TMIGD3: variants seen among roughly 807,000 people sequenced by gnomAD.
The protein encoded by TMIGD3 is AD026 protein (AD026).
In TMIGD3, 21 loss-of-function variants were observed where a neutral mutation model predicts 28.1. That is an observed-to-expected ratio of 0.75 (90% CI 0.53 to 1.08). The LOEUF is 1.08. Ranked by LOEUF, TMIGD3 falls within the 50% of genes least tolerant of loss-of-function variation. The pLI, the probability that TMIGD3 is intolerant of heterozygous loss-of-function variation, is 0.00. For missense variants in TMIGD3, 416 were observed against 435.6 expected (o/e 0.96, Z 0.40); for synonymous variants, 151 against 162.1 (o/e 0.93, Z 0.52).
intron 1 of TMIGD3, among the ~76,000 whole-genome samples, chr1:111,549,368 G>A (rs1399854436): frequency 2.7e-5 from 4 of 149,294 alleles, no homozygotes; most frequent in Admixed American, 2.7e-4. Flanking sequence ...ACATGGTCGG[G>A]CTGGGCACGG....
At chr1:111,490,632 G>T (rs1323039723) in intron 2 of TMIGD3, 24 bp downstream of exon 2, 2 of 1,554,204 alleles carry the variant, frequency 1.3e-6, no homozygotes, top group African/African-American at 2.7e-5. Context: ...TAAAGGGCTG[G>T]AGCTGTTCCG....
chr1:111,534,535 G>C (rs1422178483), intron 1 of TMIGD3, among the ~76,000 whole-genome samples: 2 of 152,186 alleles, frequency 1.3e-5, no homozygotes, highest in Non-Finnish European at 2.9e-5. Flanking sequence ...CTGTTTAATT[G>C]ATCAATTTTT....
chr1:111,553,024 A>G (rs1539582), intron 1 of TMIGD3, among the ~76,000 whole-genome samples: 148,408 of 152,310 alleles, frequency 0.97, 72,376 homozygotes, highest in Non-Finnish European at 1. Context: ...CTTTTGTGGA[A>G]CTTACGTGAA....
At chr1:111,543,465 C>T (rs933972706) in intron 1 of TMIGD3, among the ~76,000 whole-genome samples, 2 of 152,286 alleles carry the variant, frequency 1.3e-5, no homozygotes, top group South Asian at 2.1e-4. Flanking sequence ...ATAATTGGGT[C>T]ATATCACTCT....
chr1:111,514,546 G>A (rs537793668), intron 1 of TMIGD3, among the ~76,000 whole-genome samples: 139 of 151,748 alleles, frequency 9.2e-4, no homozygotes, highest in African/African-American at 3.2e-3. Flanking sequence ...GACAGGATGA[G>A]ACCTTGACTT....
chr1:111,494,278 G>C (rs201175456), intron 1 of TMIGD3, among the ~76,000 whole-genome samples: 10 of 152,242 alleles, frequency 6.6e-5, no homozygotes, highest in Admixed American at 4.6e-4. Flanking sequence ...AACTATCCAT[G>C]TTTCTGGATG....
intron 1 of TMIGD3, among the ~76,000 whole-genome samples, chr1:111,548,777 A>G (rs1430718615): frequency 6.6e-6 from 1 of 152,182 alleles, no homozygotes; most frequent in African/African-American, 2.4e-5. Context: ...GTCCCCATAA[A>G]CTTTTTGTAA....
chr1:111,527,171 C>G (rs1198632246), intron 1 of TMIGD3, among the ~76,000 whole-genome samples: 5 of 151,856 alleles, frequency 3.3e-5, no homozygotes, highest in Non-Finnish European at 7.4e-5. Context: ...CCACCACACC[C>G]AGATAATTTT....
chr1:111,507,010 T>C (rs923795185), upstream of TMIGD3, among the ~76,000 whole-genome samples: 171 of 49,878 alleles, frequency 3.4e-3, no homozygotes, highest in Middle Eastern at 0.013. Flanking sequence ...CACACACATA[T>C]GTGTGTGTGT....
At chr1:111,484,721 G>A (rs1265301018) in intron 5 of TMIGD3, among the ~76,000 whole-genome samples, 1 of 152,092 alleles carries the variant, frequency 6.6e-6, no homozygotes, top group Non-Finnish European at 1.5e-5. Context: ...CACTAGCAAG[G>A]GTTACTAGGA....
chr1:111,513,222 T>G (rs1222148100), intron 1 of TMIGD3, among the ~76,000 whole-genome samples: 2 of 152,206 alleles, frequency 1.3e-5, no homozygotes, highest in Non-Finnish European at 2.9e-5. Flanking sequence ...GTCATTCATT[T>G]TAGAAGGCCT....
chr1:111,483,395 AT>A lies in TMIGD3; in HGVS notation c.*291del, dbSNP rs1654213842. The stretch of plus-strand genomic sequence containing the variant: ...TTTATTGGCTAACAAAATACAAGTG[AT>A]TTCCTGGTCCCCAATCCAGATTCTC... On this transcript the variant is annotated 3_prime_UTR_variant, in exon 6 of 6. Coordinates refer to ENST00000369716, the MANE Select transcript of TMIGD3 (RefSeq NM_020683.7). 2.8e-6 allele frequency: 1 copy of A among 359,584 alleles called. No homozygotes were observed. Among genetic ancestry groups the A allele is most frequent in the Non-Finnish European group, 5.1e-6 (1 of 194,806 alleles). 22.3% of individuals were successfully genotyped at this position (359,584 alleles called of 1,614,324 possible).
At chr1:111,486,562 T>TAAAAC in intron 4 of TMIGD3, 24 bp downstream of exon 4, 1 of 1,589,300 alleles carries the variant, frequency 6.3e-7, no homozygotes, top group Non-Finnish European at 8.6e-7. Flanking sequence ...CCAAGCCCAT[T>TAAAAC]CATCCGCCAA....
At chr1:111,524,227 C>T (rs938917828) in intron 1 of TMIGD3, among the ~76,000 whole-genome samples, 39 of 151,990 alleles carry the variant, frequency 2.6e-4, no homozygotes, top group African/African-American at 8.7e-4. Flanking sequence ...GATGGGGTTT[C>T]ACCATGTTAG....
chr1:111,524,150 C>T (rs1656180858), intron 1 of TMIGD3, among the ~76,000 whole-genome samples: 2 of 150,648 alleles, frequency 1.3e-5, no homozygotes, highest in Admixed American at 6.6e-5. Context: ...CTGCCTCAGC[C>T]TCCCAAGTAG....
intron 1 of TMIGD3, among the ~76,000 whole-genome samples, chr1:111,512,279 G>T (rs910670323): frequency 3.9e-5 from 6 of 152,230 alleles, no homozygotes; most frequent in African/African-American, 1.4e-4. Flanking sequence ...TTGATGTTCA[G>T]CTGCAGTGAG....
At chr1:111,504,042 C>G (rs1655387607), upstream of TMIGD3, 1 of 985,314 alleles carries the variant, frequency 1.0e-6, no homozygotes, top group African/African-American at 1.7e-5. Flanking sequence ...CTAACCTTAG[C>G]CAGAACTATT....
At chr1:111,489,232 T>C (rs535266100) in intron 2 of TMIGD3, among the ~76,000 whole-genome samples, 4 of 152,342 alleles carry the variant, frequency 2.6e-5, no homozygotes, top group African/African-American at 9.6e-5. Flanking sequence ...GACCCCAGAA[T>C]GTGACTGTAT....
upstream of TMIGD3, among the ~76,000 whole-genome samples, chr1:111,506,894 A>AAC (rs1655508819): frequency 8.6e-6 from 1 of 115,910 alleles, no homozygotes; most frequent in Non-Finnish European, 1.8e-5. Flanking sequence ...CTTAAAAACA[A>AAC]AAAATATATA....
Sources: allele counts gnomAD v4.1 joint callset (sites outside exome capture counted in the v4.1 genomes callset), GRCh38; gene constraint gnomAD v4.1.1; transcripts MANE v1.5; gene names NCBI Gene and HGNC (gene_info 2026-07-23, HGNC 2026-07-21).